Variants in PDE1C observed in about 807,000 individuals in gnomAD.
PDE1C encodes the protein phosphodiesterase 1C, also known as dual specificity calcium/calmodulin-dependent 3',5'-cyclic nucleotide phosphodiesterase 1C.
PDE1C carries 62 observed loss-of-function variants against 93.1 expected under a neutral mutation model. The ratio of observed to expected loss-of-function variants is 0.67; its 90% CI spans 0.54 to 0.82. The LOEUF is 0.82. Among genes scored for constraint, PDE1C ranks in the 40% least tolerant of loss-of-function variants. PDE1C has a pLI of 0.00. For missense variants in PDE1C, 742 were observed against 884.6 expected, an observed-to-expected ratio of 0.84 and a Z score of 2.04; for synonymous variants, 325 against 310.1, an observed-to-expected ratio of 1.05 and a Z score of -0.50.
intron 1 of PDE1C, among the ~76,000 whole-genome samples, chr7:32,407,404 A>C (rs1164302530): frequency 3.9e-5 from 6 of 152,178 alleles, no homozygotes; most frequent in Non-Finnish European, 8.8e-5. Flanking sequence ...CATGGGAGAT[A>C]ACTTGGATGA....
chr7:32,183,362 A>G (rs1204931338), intron 2 of PDE1C, among the ~76,000 whole-genome samples: 1 of 152,206 alleles, frequency 6.6e-6, no homozygotes, highest in Non-Finnish European at 1.5e-5. Context: ...AAGCCAAAAG[A>G]ACAAAGCTGG....
chr7:32,387,635 C>CG (rs1423493646), intron 1 of PDE1C, among the ~76,000 whole-genome samples: 1 of 147,938 alleles, frequency 6.8e-6, no homozygotes, highest in Non-Finnish European at 1.5e-5. Context: ...GGGGGCTGAT[C>CG]CCCCCACCTC....
intron 17 of PDE1C, among the ~76,000 whole-genome samples, chr7:31,763,850 T>A (rs1794977606): frequency 6.6e-6 from 1 of 152,062 alleles, no homozygotes; most frequent in Admixed American, 6.5e-5. Context: ...ACATGAAAGA[T>A]CTCACCACAC....
chr7:32,041,272 TA>T (rs1791774168), intron 2 of PDE1C, among the ~76,000 whole-genome samples: 1 of 152,172 alleles, frequency 6.6e-6, no homozygotes, highest in African/African-American at 2.4e-5. Flanking sequence ...ACTCAGATTT[TA>T]ACCCAAGTAT....
chr7:32,338,124 T>G (rs1357072531), intron 1 of PDE1C, among the ~76,000 whole-genome samples: 1 of 152,164 alleles, frequency 6.6e-6, no homozygotes, highest in African/African-American at 2.4e-5. Context: ...AAATTGGACT[T>G]ATCAAAATTT....
intron 2 of PDE1C, among the ~76,000 whole-genome samples, chr7:31,972,097 C>T (rs1330975936): frequency 6.6e-6 from 1 of 152,164 alleles, no homozygotes; most frequent in Non-Finnish European, 1.5e-5. Context: ...ATGAAGGACC[C>T]AGCAACCTCT....
chr7:31,835,308 C>T (rs776622785), intron 11 of PDE1C, among the ~76,000 whole-genome samples: 1 of 152,154 alleles, frequency 6.6e-6, no homozygotes, highest in Non-Finnish European at 1.5e-5. Flanking sequence ...CCTCCTACTA[C>T]TATTAGAAAA....
chr7:31,761,703 G>A (rs994807768), intron 17 of PDE1C, among the ~76,000 whole-genome samples: 1 of 152,118 alleles, frequency 6.6e-6, no homozygotes, highest in Non-Finnish European at 1.5e-5. Context: ...TATGAGGGTA[G>A]GACTAAGCCT....
At chr7:32,084,463 C>G (rs1393483190) in intron 3 of PDE1C, among the ~76,000 whole-genome samples, 1 of 148,054 alleles carries the variant, frequency 6.8e-6, no homozygotes, top group Non-Finnish European at 1.5e-5. Context: ...AGGTAACAAG[C>G]ATACCCAGGA....
Position 32,283,320 on chromosome 7 carries a change from C to A in PDE1C, c.85+15331G>T, listed in dbSNP as rs547975111. On this transcript the variant is annotated intron_variant, in intron 1 of 18. Transcript: ENST00000396193. ...ATTTGAAAAAATAGTAATAAATGTA[C>A]ATTCATTAAGCAAAAACAACTTTTT... Among the ~76,000 whole-genome samples the A allele has an allele frequency of 2.0e-4, 30 of 152,264 alleles. No individual in the cohort carries two copies. In the East Asian group the frequency reaches 5.8e-3, roughly 29 times the overall value.
chr7:31,679,798 C>T, the PDE1C span, among the ~76,000 whole-genome samples: 3 of 152,132 alleles, frequency 2.0e-5, no homozygotes, highest in East Asian at 5.8e-4. Context: ...CTTATATGAA[C>T]GCTTGAGGTA....
At chr7:31,712,709 T>C in the PDE1C span, among the ~76,000 whole-genome samples, 1 of 152,184 alleles carries the variant, frequency 6.6e-6, no homozygotes, top group Non-Finnish European at 1.5e-5. Flanking sequence ...AGAGGTTTAA[T>C]GGACTTACAG....
At chr7:32,021,681 C>T (rs1788695385) in intron 2 of PDE1C, among the ~76,000 whole-genome samples, 1 of 151,914 alleles carries the variant, frequency 6.6e-6, no homozygotes, top group African/African-American at 2.4e-5. Flanking sequence ...ATTTGAATTC[C>T]AGTCACATCT....
chr7:32,221,669 G>A (rs17161043), intron 1 of PDE1C, among the ~76,000 whole-genome samples: 24,096 of 152,162 alleles, frequency 0.16, 2,177 homozygotes, highest in East Asian at 0.32. Context: ...TCATTGGAAA[G>A]CCATGGATGG....
At position 31,877,970 on chromosome 7, in the gene PDE1C, C is replaced by T; in HGVS notation, c.492G>A (p.Lys164=). The T allele has an allele frequency of 6.2e-7, 1 of 1,606,546 alleles. No individual in the cohort carries two copies. Among genetic ancestry groups the T allele is most frequent in the Non-Finnish European group, 8.5e-7 (1 of 1,173,748 alleles). The change falls in exon 5 of 18, where the codon AAG becomes AAA. Residue 164 remains lysine, a splice_region_variant and synonymous_variant. Coordinates refer to ENST00000396191, the MANE Select transcript of PDE1C (RefSeq NM_001191057.4). ...SYPPAVIEAL[K]DVDKWSFDVF... The stretch of plus-strand genomic sequence containing the variant: ...TGTAAAATCTTTTCACTCGTATTAC[C>T]TTTAATGCCTCAATAACAGCTGGTG...
chr7:31,827,583 A>G (rs575095680), intron 12 of PDE1C, among the ~76,000 whole-genome samples: 1 of 152,252 alleles, frequency 6.6e-6, no homozygotes, highest in African/African-American at 2.4e-5. Context: ...ATGAAGACTC[A>G]ATATACATTA....
chr7:32,038,045 T>C (rs1791339945), intron 2 of PDE1C, among the ~76,000 whole-genome samples: 1 of 152,184 alleles, frequency 6.6e-6, no homozygotes. Flanking sequence ...TTTTTAAATA[T>C]ATGGTGGAAA....
intron 2 of PDE1C, among the ~76,000 whole-genome samples, chr7:31,992,671 A>G (rs1433219025): frequency 6.6e-6 from 1 of 152,272 alleles, no homozygotes; most frequent in Non-Finnish European, 1.5e-5. Flanking sequence ...GCTCAGTTTC[A>G]ATGGCTTGAT....
chr7:31,790,003 T>C lies in PDE1C; in HGVS notation c.1892-14271A>G, dbSNP rs1371698942. Reference sequence around the variant, plus strand: ...TGAGTAAAAATCTCACGTTGTTTGTTTTGCTCAGGGGAATATCCCCCAGAG... The same window carrying C: ...TGAGTAAAAATCTCACGTTGTTTGTCTTGCTCAGGGGAATATCCCCCAGAG... On this transcript the variant is annotated intron_variant, in intron 16 of 17. Transcript: ENST00000396191. 3 of 1,274,082 alleles carry C rather than the reference T, an allele frequency of 2.4e-6. No homozygotes were observed. In the East Asian group the frequency reaches 9.2e-5, roughly 39 times the overall value. 78.9% of individuals were successfully genotyped at this position (1,274,082 alleles called of 1,614,324 possible).
Sources: gnomAD v4.1 joint callset for allele counts (sites outside exome capture counted in the v4.1 genomes callset) on GRCh38, gnomAD v4.1.1 for gene constraint, MANE v1.5 for transcripts, NCBI Gene and HGNC (gene_info 2026-07-23, HGNC 2026-07-21) for gene names.